CDH4: variants seen among roughly 807,000 people sequenced by gnomAD.
The protein encoded by CDH4 is cadherin 4.
Under a neutral mutation model 86.0 loss-of-function variants are expected in CDH4, and 33 were observed. The ratio of observed to expected loss-of-function variants is 0.38; its 90% CI spans 0.29 to 0.51. The LOEUF (loss-of-function observed/expected upper bound fraction) is 0.51. Ranked by LOEUF, CDH4 falls within the 20% of genes least tolerant of loss-of-function variation. The pLI is 0.86. For synonymous variants in CDH4, 555 were observed against 549.4 expected (o/e 1.01, Z -0.14); for missense variants, 1,114 against 1,307.4 (o/e 0.85, Z 2.28).
chr20:61,262,199 C>T (rs1052500671), intron 2 of CDH4, among the ~76,000 whole-genome samples: 10 of 152,266 alleles, frequency 6.6e-5, no homozygotes, highest in African/African-American at 1.9e-4. Flanking sequence ...GCTGGCCAGC[C>T]GGGGCGGGGC....
chr20:61,371,596 C>A (rs891767893), intron 2 of CDH4, among the ~76,000 whole-genome samples: 1 of 152,188 alleles, frequency 6.6e-6, no homozygotes, highest in African/African-American at 2.4e-5. Context: ...TTGAACAATC[C>A]CTTCCCCAAG....
chr20:61,839,341 T>C (rs545068147), intron 4 of CDH4, among the ~76,000 whole-genome samples: 1 of 151,928 alleles, frequency 6.6e-6, no homozygotes, highest in Admixed American at 6.6e-5. Flanking sequence ...CGTATGCATA[T>C]TTTGTGTTTG....
intron 3 of CDH4, among the ~76,000 whole-genome samples, chr20:61,763,339 C>G (rs935385906): frequency 1.3e-5 from 2 of 152,218 alleles, no homozygotes; most frequent in Non-Finnish European, 2.9e-5. Context: ...AGGCCCTGTT[C>G]CCCTCTTCCA....
At chr20:61,832,383 G>A (rs959004335) in intron 4 of CDH4, among the ~76,000 whole-genome samples, 4 of 152,220 alleles carry the variant, frequency 2.6e-5, no homozygotes, top group Non-Finnish European at 4.4e-5. Context: ...GCCTTGGGTT[G>A]TGGTGATGAG....
intron 2 of CDH4, among the ~76,000 whole-genome samples, chr20:61,424,284 CAT>C (rs2085198816): frequency 6.6e-6 from 1 of 151,662 alleles, no homozygotes; most frequent in African/African-American, 2.4e-5. Context: ...ATACAACACA[CAT>C]GTATCCAAAC....
At chr20:61,760,181 G>A (rs929818015) in intron 3 of CDH4, among the ~76,000 whole-genome samples, 2 of 152,128 alleles carry the variant, frequency 1.3e-5, no homozygotes, top group Non-Finnish European at 2.9e-5. Flanking sequence ...GGGAGGGGGT[G>A]GGTGGCTTTG....
intron 2 of CDH4, among the ~76,000 whole-genome samples, chr20:61,333,356 A>T (rs532703114): frequency 6.6e-6 from 1 of 152,342 alleles, no homozygotes; most frequent in South Asian, 2.1e-4. Flanking sequence ...AATCTGAGTC[A>T]TAGAAACCTC....
At chr20:61,423,361 T>G (rs1025662193) in intron 2 of CDH4, among the ~76,000 whole-genome samples, 5 of 152,262 alleles carry the variant, frequency 3.3e-5, no homozygotes, top group Middle Eastern at 3.4e-3. Context: ...GCCTCATGTT[T>G]CTTTCTAAAT....
intron 4 of CDH4, among the ~76,000 whole-genome samples, chr20:61,805,004 C>T (rs944316939): frequency 3.3e-5 from 5 of 152,236 alleles, no homozygotes; most frequent in African/African-American, 1.2e-4. Context: ...ACATTAGCCC[C>T]GGTCTCCACA....
intron 2 of CDH4, among the ~76,000 whole-genome samples, chr20:61,308,058 A>T (rs953571881): frequency 6.6e-6 from 1 of 152,168 alleles, no homozygotes; most frequent in Non-Finnish European, 1.5e-5. Flanking sequence ...TGGAGGTGAG[A>T]TGACCAGAAT....
intron 5 of CDH4, among the ~76,000 whole-genome samples, chr20:61,845,601 G>A (rs560850493): frequency 9.4e-4 from 143 of 152,244 alleles, no homozygotes; most frequent in Non-Finnish European, 1.7e-3. Flanking sequence ...GTCACACCCC[G>A]ACCTGCCCCT....
chr20:61,815,202 G>T (rs777884896), intron 4 of CDH4, among the ~76,000 whole-genome samples: 3 of 152,142 alleles, frequency 2.0e-5, no homozygotes, highest in African/African-American at 7.2e-5. Context: ...GCTGAGCTAC[G>T]TACGAAGTCC....
intron 2 of CDH4, among the ~76,000 whole-genome samples, chr20:61,508,756 T>C (rs1325511159): frequency 6.6e-6 from 1 of 152,198 alleles, no homozygotes; most frequent in Non-Finnish European, 1.5e-5. Flanking sequence ...TTTGAGCAGT[T>C]TCTTCAGCTG....
intron 2 of CDH4, among the ~76,000 whole-genome samples, chr20:61,388,749 C>G (rs1253132437): frequency 6.6e-6 from 1 of 152,196 alleles, no homozygotes; most frequent in Admixed American, 6.5e-5. Context: ...TGTATGCGTG[C>G]GCAAATACAT....
chr20:61,508,115 T>C (rs1568869851), intron 2 of CDH4, among the ~76,000 whole-genome samples: 1 of 152,214 alleles, frequency 6.6e-6, no homozygotes, highest in Non-Finnish European at 1.5e-5. Flanking sequence ...TAAGCATGCT[T>C]CCCGTGTCCC....
chr20:61,345,100 G>C (rs762500283), intron 2 of CDH4, among the ~76,000 whole-genome samples: 1 of 152,184 alleles, frequency 6.6e-6, no homozygotes, highest in Non-Finnish European at 1.5e-5. Flanking sequence ...TGTCTCTTTC[G>C]ATGGACGATC....
intron 7 of CDH4, among the ~76,000 whole-genome samples, chr20:61,892,309 A>G (rs1984859521): frequency 6.6e-6 from 1 of 152,192 alleles, no homozygotes. Flanking sequence ...CATTGGCAAC[A>G]TTAACTTGCT....
intron 2 of CDH4, among the ~76,000 whole-genome samples, chr20:61,584,937 G>A (rs1440260097): frequency 6.6e-6 from 1 of 152,194 alleles, no homozygotes; most frequent in Non-Finnish European, 1.5e-5. Flanking sequence ...GCTCCTAGGA[G>A]CAGGGGCATT....
intron 2 of CDH4, among the ~76,000 whole-genome samples, chr20:61,451,367 A>C (rs74433288): frequency 0.029 from 4,394 of 152,302 alleles, 104 homozygotes; most frequent in Non-Finnish European, 0.044. Flanking sequence ...CTGGCTATGA[A>C]TCTCAGGTAG....
Sources: gnomAD v4.1 joint callset for allele counts (sites outside exome capture counted in the v4.1 genomes callset) on GRCh38, gnomAD v4.1.1 for gene constraint, MANE v1.5 for transcripts, NCBI Gene and HGNC (gene_info 2026-07-23, HGNC 2026-07-21) for gene names.